The following CTCF variants were observed in gnomAD, a reference collection of about 807,000 sequenced individuals.
CTCF encodes transcriptional repressor CTCF.
CTCF carries 7 observed loss-of-function variants against 72.3 expected under a neutral mutation model. The ratio of observed to expected loss-of-function variants is 0.10; its 90% confidence interval spans 0.06 to 0.18. The LOEUF (loss-of-function observed/expected upper bound fraction) is 0.18, where lower values mean the gene tolerates loss of function less well. Among genes scored for constraint, CTCF ranks in the 10% least tolerant of loss-of-function variants. CTCF has a pLI of 1.00. For synonymous variants in CTCF, 374 were observed against 315.8 expected (o/e 1.18, Z -1.95); for missense variants, 516 against 949.1 (o/e 0.54, Z 6.00).
Position 67,611,543 on chromosome 16 carries a change from A to C in CTCF, c.711A>C (p.Leu237=), listed in dbSNP as rs755569632. The C allele has an allele frequency of 5.6e-6, 9 of 1,614,142 alleles. No homozygotes were observed. The South Asian group carries it at 8.8e-5, about 16-fold the overall frequency. Residue 237 remains leucine, a synonymous_variant, in exon 3 of 12, where the codon CTA becomes CTC. Transcript: ENST00000264010. ...AGGAAGAACAGCAGGAGGGTCTGCT[A>C]TCAGAGGTTAATGCAGAGAAAGTGG... ...DFEEEQQEGL[L]SEVNAEKVVG... is the part of the protein sequence containing the mutation.
Position 67,589,570 on chromosome 16 carries a change from C to G in CTCF, c.-10+18306C>G, listed in dbSNP as rs151235051. On this transcript the variant is annotated intron_variant, in intron 2 of 11. Coordinates refer to ENST00000264010, the MANE Select transcript of CTCF (RefSeq NM_006565.4). ...AAGTATGTTAACCGTTGTTACAGTA[C>G]TCATCACACTATATAGCTGCTATTT... 1.1e-3 allele frequency among the ~76,000 whole-genome samples: 171 copies of G among 152,244 alleles called. 1 individual carries two copies. Among genetic ancestry groups the G allele is most frequent in the Non-Finnish European group, 2.1e-3 (146 of 68,020 alleles).
At chr16:67,636,569 G>GTGTATATATA (rs565563665) in intron 10 of CTCF, 121 bp from the exon 11 acceptor site, 2 of 234,554 alleles carry the variant, frequency 8.5e-6, no homozygotes, top group African/African-American at 5.2e-5. Context: ...GAAAGAAAGT[G>GTGTATATATA]TATATATATA....
chr16:67,569,701 A>G (rs1282496157), intron 1 of CTCF, among the ~76,000 whole-genome samples: 1 of 146,990 alleles, frequency 6.8e-6, no homozygotes, highest in Non-Finnish European at 1.5e-5. Context: ...TTTTTTTTTT[A>G]ATGAGACGGA....
intron 1 of CTCF, among the ~76,000 whole-genome samples, chr16:67,570,568 A>G (rs2051402922): frequency 6.6e-6 from 1 of 151,202 alleles, no homozygotes; most frequent in African/African-American, 2.4e-5. Context: ...CAGCCTCCCA[A>G]GTAGCTGGTA....
Position 67,638,633 on chromosome 16 carries a change from G to A in CTCF, c.*761G>A. The A allele has an allele frequency of 4.3e-6, 1 of 232,060 alleles. No individual in the cohort carries two copies. The allele number at this position is 232,060 out of a possible 1,614,324, so 14.4% of individuals were successfully genotyped here. On this transcript the variant is annotated 3_prime_UTR_variant, in exon 12 of 12. Transcript: ENST00000264010. ...ACCAGTGACGGACATGCACGTGGCA[G>A]ATCATGATTTCCAGCCCACGGAGCC...
chr16:67,634,740 G>A (rs1018489153), intron 10 of CTCF, among the ~76,000 whole-genome samples: 1 of 144,898 alleles, frequency 6.9e-6, no homozygotes, highest in Non-Finnish European at 1.5e-5. Context: ...ATCTCACTCT[G>A]TTGCCCAGGC....
At chr16:67,581,999 G>A (rs946950033) in intron 2 of CTCF, among the ~76,000 whole-genome samples, 2 of 151,964 alleles carry the variant, frequency 1.3e-5, no homozygotes, top group African/African-American at 4.8e-5. Context: ...CGAGGCTGGC[G>A]GATCACGAGG....
At chr16:67,618,341 G>A (rs976192676) in intron 5 of CTCF, among the ~76,000 whole-genome samples, 2 of 152,188 alleles carry the variant, frequency 1.3e-5, no homozygotes, top group African/African-American at 4.8e-5. Flanking sequence ...GGTGAAGGTT[G>A]CATTGAGGCA....
intron 2 of CTCF, among the ~76,000 whole-genome samples, chr16:67,584,467 A>G (rs1193743422): frequency 6.9e-6 from 1 of 145,064 alleles, no homozygotes; most frequent in Non-Finnish European, 1.5e-5. Context: ...CAGCCTCCCT[A>G]GTAGCTGGGA....
intron 4 of CTCF, chr16:67,615,887 G>T (rs972862908): frequency 1.3e-5 from 2 of 152,046 alleles, no homozygotes; most frequent in African/African-American, 4.8e-5. Context: ...TCATTACATT[G>T]TGGCTCTTCC....
intron 2 of CTCF, among the ~76,000 whole-genome samples, chr16:67,591,207 G>T (rs560217641): frequency 1.3e-5 from 2 of 152,068 alleles, no homozygotes; most frequent in Non-Finnish European, 2.9e-5. Context: ...GCTGAGAATT[G>T]CTTGAACACA....
intron 2 of CTCF, among the ~76,000 whole-genome samples, chr16:67,601,409 G>C (rs1375499475): frequency 1.3e-5 from 2 of 150,766 alleles, no homozygotes; most frequent in African/African-American, 4.9e-5. Context: ...CGTGATCTCG[G>C]CTCACTGCAA....
chr16:67,590,547 C>T (rs943136354), intron 2 of CTCF, among the ~76,000 whole-genome samples: 4 of 151,662 alleles, frequency 2.6e-5, no homozygotes, highest in African/African-American at 7.3e-5. Context: ...CTGTGTTAGC[C>T]AGGATGGTCT....
At chr16:67,563,005 G>A (rs2051297829) in intron 1 of CTCF, among the ~76,000 whole-genome samples, 1 of 147,354 alleles carries the variant, frequency 6.8e-6, no homozygotes. Flanking sequence ...AGGCCCGCGC[G>A]CCCGGCGACT....
chr16:67,601,155 A>G (rs972033610), intron 2 of CTCF, among the ~76,000 whole-genome samples: 7 of 151,234 alleles, frequency 4.6e-5, no homozygotes, highest in African/African-American at 7.3e-5. Context: ...CAGAGGAGAG[A>G]CTCCCATCGT....
chr16:67,598,871 A>G (rs950079468), intron 2 of CTCF, among the ~76,000 whole-genome samples: 5 of 152,370 alleles, frequency 3.3e-5, no homozygotes, highest in East Asian at 1.9e-4. Flanking sequence ...GGATTTACCA[A>G]TTAAAGGCCA....
At chr16:67,565,292 T>C in intron 1 of CTCF, among the ~76,000 whole-genome samples, 1 of 150,226 alleles carries the variant, frequency 6.7e-6, no homozygotes, top group Non-Finnish European at 1.5e-5. Context: ...GTGAGCCATC[T>C]CGCCAGGCCA....
chr16:67,602,493 G>C (rs764933534), intron 2 of CTCF, among the ~76,000 whole-genome samples: 2 of 152,102 alleles, frequency 1.3e-5, no homozygotes, highest in Admixed American at 6.5e-5. Flanking sequence ...CATTCCCTTT[G>C]CAGGGATACT....
rs575361327 is a variant in CTCF at position 67,603,350 on chromosome 16, A to G, written c.-9-7474A>G. Among the ~76,000 whole-genome samples the G allele has an allele frequency of 2.4e-4, 37 of 152,044 alleles. No individual in the cohort carries two copies. The South Asian group carries it at 7.5e-3, about 31-fold the overall frequency. On this transcript the variant is annotated intron_variant, in intron 2 of 11. Coordinates refer to ENST00000264010, the MANE Select transcript of CTCF (RefSeq NM_006565.4). The stretch of plus-strand genomic sequence containing the variant: ...CGAGACCATCCTGCCTAACATGGTG[A>G]AACCCCGTCCCTACTAAAAATACAA...
Sources: gnomAD v4.1 joint callset for allele counts (sites outside exome capture counted in the v4.1 genomes callset) on GRCh38, gnomAD v4.1.1 for gene constraint, MANE v1.5 for transcripts, NCBI Gene and HGNC (gene_info 2026-07-23, HGNC 2026-07-21) for gene names.